MYH14: variants seen among roughly 807,000 people sequenced by gnomAD.
MYH14 encodes myosin heavy chain 14, also known as myosin-14.
In MYH14, 123 loss-of-function variants were observed where a neutral mutation model predicts 255.5. The observed-to-expected ratio is 0.48, with a 90% CI of 0.42 to 0.56. MYH14 has a LOEUF of 0.56. MYH14 is among the 20% of genes least tolerant of loss of function. The pLI is 0.00. For missense variants in MYH14, 2,423 were observed against 2,802.3 expected (o/e 0.86, Z 3.06); for synonymous variants, 1,095 against 1,161.2 (o/e 0.94, Z 1.16).
intron 27 of MYH14, 140 bp downstream of exon 27, chr19:50,272,871 G>A (rs1198694208): frequency 3.7e-6 from 3 of 811,288 alleles, no homozygotes; most frequent in South Asian, 1.7e-5. Flanking sequence ...TCCCCTCCGA[G>A]CCTCAGTGTC....
intron 39 of MYH14, among the ~76,000 whole-genome samples, chr19:50,295,927 A>G (rs1178203218): frequency 6.6e-6 from 1 of 152,078 alleles, no homozygotes; most frequent in Non-Finnish European, 1.5e-5. Context: ...CCTGGCCAAC[A>G]TGGTGAAACC....
Position 50,276,671 on chromosome 19 carries a change from T to C in MYH14, c.3681-86T>C. ...GAGGCCCTCATATTTTAAGGAAACA[T>C]GAAAAGGAGAAACAACCAGCTCCCC... On this transcript the variant is annotated intron_variant, in intron 28 of 42. Transcript: ENST00000642316. This position sits in a 1 kb window ranked among gnomAD's most constrained non-coding sequence, Gnocchi z 4.3. 2 of 1,560,686 alleles carry C rather than the reference T, an allele frequency of 1.3e-6. No homozygotes were observed. Among genetic ancestry groups the C allele is most frequent in the South Asian group, 1.1e-5 (1 of 89,592 alleles).
Position 50,281,000 on chromosome 19 carries a change from C to G in MYH14, c.4291-594C>G, listed in dbSNP as rs1215230454. Among the ~76,000 whole-genome samples the G allele has an allele frequency of 6.6e-6, 1 of 152,230 alleles. No individual in the cohort carries two copies. The highest frequency in any genetic ancestry group is 1.5e-5 in the Non-Finnish European group (1 of 68,044). On this transcript the variant is annotated intron_variant, in intron 32 of 42. Transcript: ENST00000642316. This position sits in a 1 kb window ranked among gnomAD's most constrained non-coding sequence, Gnocchi z 4.8. Reference sequence around the variant, plus strand: ...CAGTCACCTTGGGCTGGGACTGTCTCTGCCCATGAGTCTCCCCACCAGACT... The same window carrying G: ...CAGTCACCTTGGGCTGGGACTGTCTGTGCCCATGAGTCTCCCCACCAGACT...
At position 50,251,567 on chromosome 19, in the gene MYH14, CACAT is replaced by C. The variant is rs1192780030; in HGVS notation, c.1830+881_1830+884del. 1.9e-3 allele frequency among the ~76,000 whole-genome samples: 230 copies of C among 118,502 alleles called. 3 individuals are homozygous for C. The highest frequency in any genetic ancestry group is 6.7e-3 in the African/African-American group (208 of 31,050). The allele number at this position is 118,502 out of a possible 152,430, so 77.7% of individuals were successfully genotyped here. Reference sequence around the variant, plus strand: ...ACACACACACACACACACACACACACACATATATATATGTATTTTTTTTTATTTG... The same window carrying C: ...ACACACACACACACACACACACACACATATATATGTATTTTTTTTTATTTG... On this transcript the variant is annotated intron_variant, in intron 15 of 42. Transcript: ENST00000642316.
In MYH14 at chr19:50,273,230, G is replaced by A. The variant is rs369110467; in HGVS notation, c.3467+499G>A. Among the ~76,000 whole-genome samples, 100 of 144,672 alleles carry A rather than the reference G, an allele frequency of 6.9e-4. 2 individuals are homozygous for A. The highest frequency in any genetic ancestry group is 2.3e-3 in the African/African-American group (88 of 38,556). The allele number at this position is 144,672 out of a possible 152,430, so 94.9% of individuals were successfully genotyped here. ...TGCTTGAACCCAGGAGGCAGAGGTT[G>A]CAGTGAGCCGAGATCACACCACTGC... On this transcript the variant is annotated intron_variant, in intron 27 of 42. Transcript: ENST00000642316.
chr19:50,238,463 G>T (rs969122693), intron 10 of MYH14, among the ~76,000 whole-genome samples: 57 of 151,592 alleles, frequency 3.8e-4, no homozygotes, highest in African/African-American at 1.2e-3. Flanking sequence ...TATTTTTTTT[G>T]AGATGGAGTC....
At chr19:50,236,963 A>C (rs866004481) in intron 10 of MYH14, among the ~76,000 whole-genome samples, 3 of 152,122 alleles carry the variant, frequency 2.0e-5, no homozygotes, top group African/African-American at 7.2e-5. Flanking sequence ...GGCCCTGTCC[A>C]CAGCCTCTGG....
chr19:50,253,589 GA>G (rs1183614550), intron 16 of MYH14, among the ~76,000 whole-genome samples: 2 of 152,108 alleles, frequency 1.3e-5, no homozygotes, highest in Non-Finnish European at 2.9e-5. Context: ...GAAGAAGAAA[GA>G]AAAAACAGAC....
In MYH14 at chr19:50,239,635, C is replaced by T. The variant is rs567494853; in HGVS notation, c.1115-4607C>T. Among the ~76,000 whole-genome samples the T allele has an allele frequency of 7.2e-5, 11 of 152,094 alleles. No homozygotes were observed. The South Asian group carries it at 8.3e-4, about 11-fold the overall frequency. On this transcript the variant is annotated intron_variant, in intron 10 of 42. Coordinates refer to ENST00000642316, the MANE Select transcript of MYH14 (RefSeq NM_001145809.2). ...CCCGATCTCCGCTCACTGCAAGCTC[C>T]GCCTCCCCGGTTCATGCCATTCTCC...
intron 30 of MYH14, among the ~76,000 whole-genome samples, chr19:50,279,773 G>A (rs540161112): frequency 3.3e-5 from 5 of 152,206 alleles, no homozygotes; most frequent in Admixed American, 6.5e-5. Flanking sequence ...GCCTCTTGGC[G>A]ATGGTGAGTA....
Position 50,230,043 on chromosome 19 carries a change from C to G in MYH14, c.875-482C>G, listed in dbSNP as rs1338780806. On this transcript the variant is annotated intron_variant, in intron 8 of 42. Coordinates refer to ENST00000642316, the MANE Select transcript of MYH14 (RefSeq NM_001145809.2). The surrounding 1 kb of genome is among the most constrained non-coding windows in gnomAD (Gnocchi z 4.7). ...GATTCTCCTGCCTCAGCCTCCCAAG[C>G]AGCTGAGATTACAGGCACCCGCGAT... Among the ~76,000 whole-genome samples, 1 of 152,094 alleles carries G rather than the reference C, an allele frequency of 6.6e-6. No individual in the cohort carries two copies. Among genetic ancestry groups the G allele is most frequent in the Non-Finnish European group, 1.5e-5 (1 of 68,018 alleles).
chr19:50,247,124 T>A lies in MYH14; in HGVS notation c.1329+2T>A. ...CAGAAAGCCCAGACTAAGGAACAGGTAGGCGGGGCTGGCGGTGGGCAGGCA... is the reference window on the plus strand; with the variant it reads ...CAGAAAGCCCAGACTAAGGAACAGGAAGGCGGGGCTGGCGGTGGGCAGGCA... On this transcript the variant is annotated splice_donor_variant, in intron 12 of 42. Transcript: ENST00000642316. LOFTEE classifies it high-confidence loss of function. 1.9e-6 allele frequency: 3 copies of A among 1,607,086 alleles called. No homozygotes were observed. Among genetic ancestry groups the A allele is most frequent in the Non-Finnish European group, 1.7e-6 (2 of 1,174,616 alleles).
At chr19:50,300,345 A>G (rs1001454063) in intron 39 of MYH14, among the ~76,000 whole-genome samples, 9 of 152,176 alleles carry the variant, frequency 5.9e-5, no homozygotes, top group Admixed American at 5.2e-4. Flanking sequence ...ACACTCCCAT[A>G]ATGTTCTTGG....
At chr19:50,302,693 G>A (rs1191276860) in intron 40 of MYH14, among the ~76,000 whole-genome samples, 1 of 152,156 alleles carries the variant, frequency 6.6e-6, no homozygotes, top group African/African-American at 2.4e-5. Flanking sequence ...CTGAGGTCGG[G>A]AGTTCGAGAC....
intron 27 of MYH14, among the ~76,000 whole-genome samples, chr19:50,275,287 G>A (rs186094498): frequency 7.9e-5 from 12 of 152,262 alleles, no homozygotes; most frequent in East Asian, 5.8e-4. Context: ...ATGACGCTGT[G>A]TGAAGGGACA....
rs572162459 is a variant in MYH14 at position 50,208,695 on chromosome 19, C to T, written c.-3-1668C>T. Among the ~76,000 whole-genome samples, 8 of 152,180 alleles carry T rather than the reference C, an allele frequency of 5.3e-5. No individual in the cohort carries two copies. In the South Asian group the frequency reaches 1.7e-3, roughly 32 times the overall value. ...ATAAAAGTAAAAAAGGAACGGGTAA[C>T]ATTAATTTAATGATATATTTTATTT... On this transcript the variant is annotated intron_variant, in intron 1 of 42. Transcript: ENST00000642316.
chr19:50,212,468 C>T (rs1366432645), intron 2 of MYH14, among the ~76,000 whole-genome samples: 2 of 152,218 alleles, frequency 1.3e-5, no homozygotes, highest in Non-Finnish European at 2.9e-5. Context: ...CAGCTTCCCT[C>T]TGGGCCAGGG....
chr19:50,233,636 T>C (rs669650), intron 10 of MYH14, among the ~76,000 whole-genome samples: 146,748 of 152,220 alleles, frequency 0.96, 70,790 homozygotes, highest in African/African-American at 0.99. Flanking sequence ...GTGGTGTTAG[T>C]GAGGGTGGTT....
In MYH14 at chr19:50,249,157, G is replaced by C. The variant is rs561416933; in HGVS notation, c.1482+18G>C. ...TCTTCCAGGTCCACCCTTGTGCTGG[G>C]AGGGGGATGCCAACTTCCTCACTCC... is the stretch of plus-strand genomic sequence containing the variant. On this transcript the variant is annotated intron_variant, in intron 13 of 42. Transcript: ENST00000642316. The C allele has an allele frequency of 1.0e-5, 16 of 1,555,528 alleles. 1 individual carries two copies. Among genetic ancestry groups the C allele is most frequent in the Middle Eastern group, 3.4e-4 (2 of 5,956 alleles).
Sources: allele counts gnomAD v4.1 joint callset (sites outside exome capture counted in the v4.1 genomes callset), GRCh38; gene constraint gnomAD v4.1.1; non-coding constraint Gnocchi (gnomAD v3.1); transcripts MANE v1.5; gene names NCBI Gene and HGNC (gene_info 2026-07-23, HGNC 2026-07-21).